CDK14: variants seen among roughly 807,000 people sequenced by gnomAD.
The protein encoded by CDK14 is cyclin dependent kinase 14, also known as cyclin-dependent kinase 14.
In CDK14, 34 loss-of-function variants were observed where a neutral mutation model predicts 60.7. That is an observed-to-expected ratio of 0.56 (90% CI 0.43 to 0.75). The LOEUF (loss-of-function observed/expected upper bound fraction) is 0.75. Ranked by LOEUF, CDK14 falls within the 30% of genes least tolerant of loss-of-function variation. CDK14 has a pLI of 0.00. For missense variants in CDK14, 482 were observed against 564.1 expected, an observed-to-expected ratio of 0.85 and a Z score of 1.47; for synonymous variants, 197 against 203.7, an observed-to-expected ratio of 0.97 and a Z score of 0.28.
chr7:90,757,240 G>GTC (rs1804108242), intron 4 of CDK14, among the ~76,000 whole-genome samples: 1 of 142,934 alleles, frequency 7.0e-6, no homozygotes, highest in Non-Finnish European at 1.5e-5. Flanking sequence ...GTGTGTGTGT[G>GTC]TGTGTGTGTG....
rs369039241 is a variant in CDK14 at position 91,008,056 on chromosome 7, G to T, written c.1041+23815G>T. On this transcript the variant is annotated intron_variant, in intron 10 of 14. Coordinates refer to ENST00000380050, the MANE Select transcript of CDK14 (RefSeq NM_001287135.2). ...CTTTAGATATTCCAGTATTGGATTA[G>T]GATTGCTCATTCTGGGTATACCAGA... 8.3e-4 allele frequency among the ~76,000 whole-genome samples: 123 copies of T among 148,154 alleles called. 1 individual carries two copies. Among genetic ancestry groups the T allele is most frequent in the Middle Eastern group, 3.5e-3 (1 of 288 alleles).
At chr7:90,961,359 T>TA (rs1794599050) in intron 9 of CDK14, among the ~76,000 whole-genome samples, 2 of 152,086 alleles carry the variant, frequency 1.3e-5, no homozygotes, top group Middle Eastern at 3.4e-3. Context: ...GAAGAGTTTT[T>TA]TAAAAAAAAT....
intron 4 of CDK14, among the ~76,000 whole-genome samples, chr7:90,757,198 G>A (rs1042947894): frequency 2.0e-5 from 3 of 146,464 alleles, no homozygotes; most frequent in Non-Finnish European, 3.0e-5. Context: ...TTCTCCACAT[G>A]GCATTCTTCC....
At chr7:91,063,311 C>G (rs768684681) in intron 11 of CDK14, among the ~76,000 whole-genome samples, 1 of 152,148 alleles carries the variant, frequency 6.6e-6, no homozygotes, top group African/African-American at 2.4e-5. Context: ...AACTTCGTTT[C>G]CAATACTTAA....
At chr7:91,124,012 G>A (rs1324042378) in intron 14 of CDK14, among the ~76,000 whole-genome samples, 4 of 151,750 alleles carry the variant, frequency 2.6e-5, no homozygotes, top group Admixed American at 6.6e-5. Context: ...TCAGCTTCCC[G>A]AGTAGCTAGG....
At chr7:90,928,902 C>T (rs905589441) in intron 8 of CDK14, among the ~76,000 whole-genome samples, 2 of 152,166 alleles carry the variant, frequency 1.3e-5, no homozygotes, top group Non-Finnish European at 2.9e-5. Flanking sequence ...CTTTGTTTAC[C>T]TACTCAAGCC....
At chr7:90,778,819 T>C (rs1377343871) in intron 4 of CDK14, among the ~76,000 whole-genome samples, 2 of 151,880 alleles carry the variant, frequency 1.3e-5, no homozygotes, top group Non-Finnish European at 2.9e-5. Context: ...AGCTTAATCC[T>C]TTCCTGTGGA....
rs1380119163 is a variant in CDK14, at chr7:90,659,861, C to CTG, written c.123+55613_123+55614insGT. 1.5e-3 allele frequency among the ~76,000 whole-genome samples: 216 copies of CTG among 148,144 alleles called. 1 individual carries two copies. Among genetic ancestry groups the CTG allele is most frequent in the African/African-American group, 5.4e-3 (212 of 39,422 alleles). On this transcript the variant is annotated intron_variant, in intron 2 of 14. Coordinates refer to ENST00000380050, the MANE Select transcript of CDK14 (RefSeq NM_001287135.2). ...CTTCTCTCTCTCTCTCTCTCTCTCT[C>CTG]TCTCTCTCTCTCTCTGTGTGTGTGT... is the stretch of plus-strand genomic sequence containing the variant.
chr7:91,074,442 G>T (rs1068290), intron 11 of CDK14, among the ~76,000 whole-genome samples: 111,016 of 152,048 alleles, frequency 0.73, 41,208 homozygotes, highest in East Asian at 0.93. Context: ...CAAGAAGTTC[G>T]TTGAAACCAA....
At chr7:90,974,384 T>C (rs1795011076) in intron 9 of CDK14, among the ~76,000 whole-genome samples, 2 of 152,148 alleles carry the variant, frequency 1.3e-5, no homozygotes, top group Non-Finnish European at 2.9e-5. Context: ...TTATGAAGAT[T>C]ACAGGATTAA....
chr7:91,087,673 A>G (rs1798679435), intron 12 of CDK14, among the ~76,000 whole-genome samples: 1 of 152,136 alleles, frequency 6.6e-6, no homozygotes, highest in African/African-American at 2.4e-5. Flanking sequence ...CCTACCTCCC[A>G]GTGAGAGCGT....
At chr7:91,023,756 G>A (rs1229845802) in intron 10 of CDK14, among the ~76,000 whole-genome samples, 1 of 151,910 alleles carries the variant, frequency 6.6e-6, no homozygotes. Context: ...TTTTTGTTTT[G>A]TTGTTTTGTT....
At chr7:90,998,796 G>C (rs1488055348) in intron 10 of CDK14, among the ~76,000 whole-genome samples, 1 of 152,198 alleles carries the variant, frequency 6.6e-6, no homozygotes, top group Non-Finnish European at 1.5e-5. Flanking sequence ...GGCTGAGGCA[G>C]GAGAATGGCC....
intron 11 of CDK14, among the ~76,000 whole-genome samples, chr7:91,051,274 G>A (rs1326610105): frequency 6.6e-6 from 1 of 152,036 alleles, no homozygotes; most frequent in East Asian, 1.9e-4. Flanking sequence ...TCCAACATTG[G>A]GGATCACATT....
chr7:90,908,887 C>T (rs954442838), intron 7 of CDK14, among the ~76,000 whole-genome samples: 1 of 152,066 alleles, frequency 6.6e-6, no homozygotes, highest in Non-Finnish European at 1.5e-5. Context: ...GTGATTTACT[C>T]CAAGGCTTTT....
At chr7:90,994,252 T>C (rs563887828) in intron 10 of CDK14, among the ~76,000 whole-genome samples, 139 of 152,342 alleles carry the variant, frequency 9.1e-4, no homozygotes, top group Middle Eastern at 6.8e-3. Flanking sequence ...CAAACATTCC[T>C]GTTTCTTTCT....
chr7:90,651,290 C>T (rs1800633582), intron 2 of CDK14, among the ~76,000 whole-genome samples: 1 of 152,100 alleles, frequency 6.6e-6, no homozygotes, highest in Non-Finnish European at 1.5e-5. Context: ...GCCAACTTTA[C>T]TATGGCCCCT....
intron 10 of CDK14, among the ~76,000 whole-genome samples, chr7:91,021,848 A>G (rs1006899762): frequency 6.6e-6 from 1 of 152,216 alleles, no homozygotes; most frequent in African/African-American, 2.4e-5. Context: ...ATACTGTTGA[A>G]TGATGCCATT....
intron 3 of CDK14, among the ~76,000 whole-genome samples, chr7:90,729,036 A>G (rs73410630): frequency 6.4e-4 from 92 of 143,140 alleles, no homozygotes; most frequent in African/African-American, 2.2e-3. Flanking sequence ...CTTTCTCATG[A>G]TTTTTTTTTT....
Sources: gnomAD v4.1 joint callset for allele counts (sites outside exome capture counted in the v4.1 genomes callset) on GRCh38, gnomAD v4.1.1 for gene constraint, MANE v1.5 for transcripts, NCBI Gene and HGNC (gene_info 2026-07-23, HGNC 2026-07-21) for gene names.